SHLD1: variants seen among roughly 807,000 people sequenced by gnomAD.
SHLD1 encodes RINN1-REV7-interacting novel NHEJ regulator 3.
SHLD1 carries 3 observed loss-of-function variants against 5.5 expected under a neutral mutation model. That is an observed-to-expected ratio of 0.54 (90% CI 0.25 to 1.40). SHLD1 has a LOEUF of 1.40. Among genes scored for constraint, SHLD1 ranks in the 40% most tolerant of loss-of-function variants. The pLI is 0.15. For synonymous variants in SHLD1, 92 were observed against 94.3 expected, an observed-to-expected ratio of 0.98 and a Z score of 0.14; for missense variants, 210 against 244.4, an observed-to-expected ratio of 0.86 and a Z score of 0.94.
At chr20:5,809,289 G>C (rs770821418) in intron 2 of SHLD1, among the ~76,000 whole-genome samples, 2 of 152,094 alleles carry the variant, frequency 1.3e-5, no homozygotes, top group Non-Finnish European at 2.9e-5. Flanking sequence ...CTATGGTTTA[G>C]AGTGAATCTT....
rs1262993939 is a variant in SHLD1 at position 5,863,494 on chromosome 20, G to T, written c.*31G>T. 1 of 1,561,466 alleles carries T rather than the reference G, an allele frequency of 6.4e-7. No individual in the cohort carries two copies. The highest frequency in any genetic ancestry group is 1.2e-5 in the South Asian group (1 of 80,470). On this transcript the variant is annotated 3_prime_UTR_variant, in exon 3 of 3. Coordinates refer to ENST00000303142, the MANE Select transcript of SHLD1 (RefSeq NM_152504.4). ...GCCGGGCAGTGTGCAGGGTAGTAAT[G>T]GAGGTGCTGTGCCATGACCAGCAGT... is the stretch of plus-strand genomic sequence containing the variant.
intron 2 of SHLD1, among the ~76,000 whole-genome samples, chr20:5,821,710 G>A (rs1319429710): frequency 6.6e-6 from 1 of 152,108 alleles, no homozygotes; most frequent in African/African-American, 2.4e-5. Context: ...TGAGGTGGCC[G>A]CCAAGTGAAA....
intron 2 of SHLD1, among the ~76,000 whole-genome samples, chr20:5,827,250 C>T (rs1456517757): frequency 2.6e-5 from 4 of 152,180 alleles, no homozygotes; most frequent in Admixed American, 6.5e-5. Context: ...GGAGGGATGC[C>T]GCCAGCCCAG....
intron 2 of SHLD1, among the ~76,000 whole-genome samples, chr20:5,784,729 C>T (rs945643184): frequency 2.6e-4 from 39 of 152,312 alleles, no homozygotes; most frequent in South Asian, 8.3e-4. Context: ...GGATTACAGG[C>T]GTGAGCCACC....
At chr20:5,773,326 G>T in intron 2 of SHLD1, 7 of 592,602 alleles carry the variant, frequency 1.2e-5, no homozygotes, top group South Asian at 4.4e-5. Flanking sequence ...CAGAAGCAGG[G>T]GAATATTTGG....
At position 5,803,287 on chromosome 20, in the gene SHLD1, C is replaced by CA. The variant is rs530781979; in HGVS notation, c.178+30245dup. ...CTCTAGCAGACCTACCTCAGCCTCC[C>CA]AGGTAGCTGGGACTTGAGATGAGTA... On this transcript the variant is annotated intron_variant, in intron 2 of 2. Coordinates refer to ENST00000303142, the MANE Select transcript of SHLD1 (RefSeq NM_152504.4). Among the ~76,000 whole-genome samples, 1,130 of 152,210 alleles carry CA rather than the reference C, an allele frequency of 7.4e-3. 16 individuals are homozygous for CA. The highest frequency in any genetic ancestry group is 0.025 in the African/African-American group (1,051 of 41,520).
At chr20:5,764,156 ATT>A (rs1491126784) in intron 1 of SHLD1, among the ~76,000 whole-genome samples, 2,104 of 45,694 alleles carry the variant, frequency 0.046, 22 homozygotes, top group East Asian at 0.088. Flanking sequence ...ATATATTTAT[ATT>A]TATATATATA....
chr20:5,779,692 T>C (rs1035657051), intron 2 of SHLD1, among the ~76,000 whole-genome samples: 1 of 152,206 alleles, frequency 6.6e-6, no homozygotes, highest in Admixed American at 6.6e-5. Context: ...ATAGCCAAGG[T>C]TTCCAGTTGG....
chr20:5,780,588 G>A (rs1030057070), intron 2 of SHLD1, among the ~76,000 whole-genome samples: 15 of 152,160 alleles, frequency 9.9e-5, no homozygotes, highest in Admixed American at 2.6e-4. Flanking sequence ...AGCAAGGACC[G>A]CTGCAAAACC....
intron 1 of SHLD1, among the ~76,000 whole-genome samples, chr20:5,768,733 A>G (rs1984983474): frequency 6.6e-6 from 1 of 152,170 alleles, no homozygotes. Context: ...TTTATTTTAT[A>G]TAATCTGGAT....
At chr20:5,760,012 A>C (rs1984370084) in intron 1 of SHLD1, among the ~76,000 whole-genome samples, 1 of 147,380 alleles carries the variant, frequency 6.8e-6, no homozygotes, top group South Asian at 2.2e-4. Flanking sequence ...ACACACACAT[A>C]TACATATACA....
At chr20:5,794,831 C>T (rs1371202359) in intron 2 of SHLD1, among the ~76,000 whole-genome samples, 1 of 151,884 alleles carries the variant, frequency 6.6e-6, no homozygotes, top group Non-Finnish European at 1.5e-5. Flanking sequence ...TTCTCTGTAC[C>T]GTGCTACAGA....
At chr20:5,769,775 G>A (rs1437971797) in intron 1 of SHLD1, among the ~76,000 whole-genome samples, 3 of 152,020 alleles carry the variant, frequency 2.0e-5, no homozygotes, top group Non-Finnish European at 4.4e-5. Flanking sequence ...AGGCTGAGAC[G>A]GGTGGATCAT....
At chr20:5,849,528 G>T (rs570805488) in intron 2 of SHLD1, among the ~76,000 whole-genome samples, 1 of 152,290 alleles carries the variant, frequency 6.6e-6, no homozygotes, top group Admixed American at 6.5e-5. Flanking sequence ...TGTGTGGTAG[G>T]AACTTTCCAC....
At position 5,817,205 on chromosome 20, in the gene SHLD1, G is replaced by A. The variant is rs183748669; in HGVS notation, c.178+44162G>A. ...TGACTGATTTTTCTCCTGATTATAG[G>A]TAATATTTTCCTGCTTCTTCCCATG... On this transcript the variant is annotated intron_variant, in intron 2 of 2. Transcript: ENST00000303142. Among the ~76,000 whole-genome samples the A allele has an allele frequency of 2.6e-5, 4 of 151,962 alleles. No individual in the cohort carries two copies. The East Asian group carries it at 5.8e-4, about 22-fold the overall frequency.
intron 2 of SHLD1, among the ~76,000 whole-genome samples, chr20:5,847,428 T>G (rs2087945522): frequency 6.6e-6 from 1 of 152,202 alleles, no homozygotes; most frequent in Non-Finnish European, 1.5e-5. Flanking sequence ...CGGAGGTCCT[T>G]GTTTCACCCT....
intron 2 of SHLD1, among the ~76,000 whole-genome samples, chr20:5,827,827 G>A (rs1243899567): frequency 6.6e-6 from 1 of 152,128 alleles, no homozygotes; most frequent in Non-Finnish European, 1.5e-5. Flanking sequence ...ACTTCACTAG[G>A]GTGCACTTCA....
intron 1 of SHLD1, among the ~76,000 whole-genome samples, chr20:5,751,096 C>A (rs1349529745): frequency 6.6e-6 from 1 of 152,176 alleles, no homozygotes; most frequent in African/African-American, 2.4e-5. Context: ...ACTTTCATCA[C>A]TCCAAAGAAA....
rs570547921 is a variant in SHLD1 at position 5,855,491 on chromosome 20, C to T, written c.179-7533C>T. Among the ~76,000 whole-genome samples the T allele has an allele frequency of 1.3e-5, 2 of 152,250 alleles. No individual in the cohort carries two copies. The highest frequency in any genetic ancestry group is 4.1e-4 in the South Asian group (2 of 4,826). The stretch of plus-strand genomic sequence containing the variant: ...CGTTCAAGAGATTCTTGTGCCTCAG[C>T]CACCCGAGTAGCTGGGACTACAGGT... On this transcript the variant is annotated intron_variant, in intron 2 of 2. Coordinates refer to ENST00000303142, the MANE Select transcript of SHLD1 (RefSeq NM_152504.4). This position sits in a 1 kb window ranked among gnomAD's most constrained non-coding sequence, Gnocchi z 4.4.
Sources: allele counts gnomAD v4.1 joint callset (sites outside exome capture counted in the v4.1 genomes callset), GRCh38; gene constraint gnomAD v4.1.1; non-coding constraint Gnocchi (gnomAD v3.1); transcripts MANE v1.5; gene names NCBI Gene and HGNC (gene_info 2026-07-23, HGNC 2026-07-21).